Variants in ADAMTS17 observed in about 807,000 individuals in gnomAD.
ADAMTS17 encodes A disintegrin and metalloproteinase with thrombospondin motifs 17.
In ADAMTS17, 113 loss-of-function variants were observed where a neutral mutation model predicts 141.5. The ratio of observed to expected loss-of-function variants is 0.80; its 90% CI spans 0.69 to 0.93. ADAMTS17 has a LOEUF of 0.93. Ranked by LOEUF, ADAMTS17 falls within the 40% of genes least tolerant of loss-of-function variation. The pLI is 0.00. For missense variants in ADAMTS17, 1,659 were observed against 1,517.9 expected (o/e 1.09, Z -1.54); for synonymous variants, 768 against 630.6 (o/e 1.22, Z -3.27).
chr15:100,125,204 C>T (rs958662376), intron 12 of ADAMTS17, among the ~76,000 whole-genome samples: 9 of 152,330 alleles, frequency 5.9e-5, no homozygotes, highest in Admixed American at 2.0e-4. Flanking sequence ...AGAAGTGCTG[C>T]GAGCTGCTAA....
rs149619056 is a variant in ADAMTS17 at position 100,227,542 on chromosome 15, G to A, written c.1075+26594C>T. Among the ~76,000 whole-genome samples the A allele has an allele frequency of 3.3e-3, 504 of 152,340 alleles. 4 individuals carry two copies. Among genetic ancestry groups the A allele is most frequent in the African/African-American group, 0.011 (477 of 41,578 alleles). The stretch of plus-strand genomic sequence containing the variant: ...ACACAGAAGTCTGGAGAGGCAGGCG[G>A]CCCTGGATTGATCAGGCAGCCCAGT... On this transcript the variant is annotated intron_variant, in intron 7 of 21. Transcript: ENST00000268070.
chr15:100,219,860 T>G (rs28408044), intron 7 of ADAMTS17, among the ~76,000 whole-genome samples: 26,484 of 152,132 alleles, frequency 0.17, 2,462 homozygotes, highest in African/African-American at 0.22. Context: ...TTCCTTTTCT[T>G]CCTTTAATCC....
At chr15:100,228,194 C>A (rs893491776) in intron 7 of ADAMTS17, among the ~76,000 whole-genome samples, 7 of 152,220 alleles carry the variant, frequency 4.6e-5, no homozygotes, top group Non-Finnish European at 8.8e-5. Flanking sequence ...ATGGCTGACT[C>A]CTTCTCACAG....
chr15:100,043,806 G>C (rs1189754891), intron 18 of ADAMTS17, among the ~76,000 whole-genome samples: 1 of 152,238 alleles, frequency 6.6e-6, no homozygotes, highest in Non-Finnish European at 1.5e-5. Context: ...ATTGCTTTTA[G>C]TCTGAAGTGT....
At chr15:100,109,446 A>C (rs550336712) in intron 13 of ADAMTS17, among the ~76,000 whole-genome samples, 63 of 144,346 alleles carry the variant, frequency 4.4e-4, no homozygotes, top group Non-Finnish European at 7.3e-4. Flanking sequence ...AATACACATC[A>C]AGGGGGAGCT....
chr15:100,173,989 C>A (rs117446747), intron 8 of ADAMTS17, among the ~76,000 whole-genome samples: 1 of 152,212 alleles, frequency 6.6e-6, no homozygotes, highest in South Asian at 2.1e-4. Context: ...GAGCTGAGAT[C>A]CACCTTCACA....
At chr15:100,009,486 A>AACC (rs2061114807) in intron 18 of ADAMTS17, among the ~76,000 whole-genome samples, 1 of 152,176 alleles carries the variant, frequency 6.6e-6, no homozygotes, top group African/African-American at 2.4e-5. Flanking sequence ...CTGACTCCCC[A>AACC]GCTGTGCCAC....
chr15:100,148,971 C>G (rs937077959), intron 10 of ADAMTS17, among the ~76,000 whole-genome samples: 1 of 152,174 alleles, frequency 6.6e-6, no homozygotes, highest in African/African-American at 2.4e-5. Flanking sequence ...ACCAGTACAG[C>G]TGGAATAGAG....
chr15:100,141,514 G>C (rs1197842990), intron 10 of ADAMTS17, among the ~76,000 whole-genome samples: 1 of 152,208 alleles, frequency 6.6e-6, no homozygotes, highest in Non-Finnish European at 1.5e-5. Flanking sequence ...ATGAAAAAGT[G>C]ACTCATCCAA....
intron 15 of ADAMTS17, chr15:100,073,972 T>C (rs533019997): frequency 3.9e-5 from 6 of 152,294 alleles, no homozygotes; most frequent in African/African-American, 1.4e-4. Flanking sequence ...CTGAATCCTT[T>C]TATAATATGT....
At chr15:100,062,786 C>G (rs2033220553) in intron 15 of ADAMTS17, among the ~76,000 whole-genome samples, 1 of 152,310 alleles carries the variant, frequency 6.6e-6, no homozygotes, top group African/African-American at 2.4e-5. Flanking sequence ...ATGAAAACAG[C>G]TCAGAAGAGG....
rs767434139 is a variant in ADAMTS17 at position 100,078,231 on chromosome 15, C to T, written c.2137+18125G>A. Among the ~76,000 whole-genome samples the T allele has an allele frequency of 1.7e-3, 239 of 139,448 alleles. 2 individuals carry two copies. The highest frequency in any genetic ancestry group is 2.8e-3 in the Non-Finnish European group (182 of 65,246). The allele number at this position is 139,448 out of a possible 152,430, so 91.5% of individuals were successfully genotyped here. A position where few individuals can be genotyped will look rare whatever the true frequency, so the allele number is the denominator to read the frequency against. On this transcript the variant is annotated intron_variant, in intron 15 of 21. Coordinates refer to ENST00000268070, the MANE Select transcript of ADAMTS17 (RefSeq NM_139057.4). ...AAATCCCAGCTTTTTTTTTTTTTTG[C>T]GAAAAATGACAAGCTGTTCCTAAAA...
intron 7 of ADAMTS17, among the ~76,000 whole-genome samples, chr15:100,252,160 C>T (rs962169348): frequency 1.3e-5 from 2 of 152,158 alleles, no homozygotes; most frequent in Admixed American, 1.3e-4. Flanking sequence ...ATATTCCCAT[C>T]AAAAGAGAAA....
intron 8 of ADAMTS17, among the ~76,000 whole-genome samples, chr15:100,167,232 A>G (rs1411820464): frequency 2.6e-5 from 4 of 152,202 alleles, no homozygotes; most frequent in African/African-American, 9.6e-5. Context: ...TCATCATAGC[A>G]TATCTTTGCC....
chr15:99,990,723 T>A (rs1852096114), intron 20 of ADAMTS17, among the ~76,000 whole-genome samples: 2 of 152,042 alleles, frequency 1.3e-5, no homozygotes, highest in African/African-American at 4.8e-5. Context: ...CAGATTCTGA[T>A]AAATTTTGCC....
In ADAMTS17 at chr15:100,255,455, T is replaced by G. The variant is rs141173416; in HGVS notation, c.1032-1276A>C. On this transcript the variant is annotated intron_variant, in intron 6 of 21. Transcript: ENST00000268070. ...TGAAAAGGCCTAGAGACTTGATTTT[T>G]CCATCAGACTCCCTTTTAGAAGATG... Among the ~76,000 whole-genome samples, 721 of 152,292 alleles carry G rather than the reference T, an allele frequency of 4.7e-3. 3 individuals are homozygous for G. Among genetic ancestry groups the G allele is most frequent in the African/African-American group, 0.016 (651 of 41,568 alleles).
chr15:100,245,138 G>C (rs1247288761), intron 7 of ADAMTS17, among the ~76,000 whole-genome samples: 1 of 152,140 alleles, frequency 6.6e-6, no homozygotes, highest in Non-Finnish European at 1.5e-5. Flanking sequence ...TTGTCACACT[G>C]AAGCTGTGGA....
intron 8 of ADAMTS17, among the ~76,000 whole-genome samples, chr15:100,175,978 A>T (rs1225231534): frequency 6.6e-6 from 1 of 152,216 alleles, no homozygotes; most frequent in Non-Finnish European, 1.5e-5. Context: ...CAGCCGAAAC[A>T]AGATAGGGGA....
chr15:100,068,251 C>T (rs1015471891), intron 15 of ADAMTS17, among the ~76,000 whole-genome samples: 3 of 152,134 alleles, frequency 2.0e-5, no homozygotes, highest in African/African-American at 7.2e-5. Context: ...ACAAAGCCAC[C>T]GGGAAGCTCG....
Sources: gnomAD v4.1 joint callset for allele counts (sites outside exome capture counted in the v4.1 genomes callset) on GRCh38, gnomAD v4.1.1 for gene constraint, MANE v1.5 for transcripts, NCBI Gene and HGNC (gene_info 2026-07-23, HGNC 2026-07-21) for gene names.